Variants in CD1B observed in about 807,000 individuals in gnomAD.
CD1B encodes the protein T-cell surface glycoprotein CD1b.
CD1B carries 43 observed loss-of-function variants against 39.8 expected under a neutral mutation model. That is an observed-to-expected ratio of 1.08 (90% CI 0.85 to 1.39). The LOEUF is 1.39. Among genes scored for constraint, CD1B ranks in the 40% most tolerant of loss-of-function variants. The pLI is 0.00. For missense variants in CD1B, 495 were observed against 403.8 expected (o/e 1.23, Z -1.94); for synonymous variants, 192 against 152.5 (o/e 1.26, Z -1.91).
Position 158,328,236 on chromosome 1 carries a change from T to C in CD1B, c.1002A>G (p.Ter334TrpextTer30), listed in dbSNP as rs1420633347. Residue 334 changes from the stop codon to tryptophan (W), a stop_lost, in exon 6 of 6, where the codon TGA becomes TGG. Transcript: ENST00000368168. ...MRRRSYQNIP[*>W] ...ATGGGAGAGGAGACATGATGATGGC[T>C]CATGGGATATTCTGATATGACCTGT... is the stretch of plus-strand genomic sequence containing the variant. 5 of 1,612,332 alleles carry C rather than the reference T, an allele frequency of 3.1e-6. No homozygotes were observed. In the Admixed American group the frequency reaches 6.7e-5, roughly 22 times the overall value.
At chr1:158,321,179 A>G in the CD1B span, among the ~76,000 whole-genome samples, 161 of 152,240 alleles carry the variant, frequency 1.1e-3, no homozygotes, top group African/African-American at 3.5e-3. Context: ...ATATATTTGT[A>G]TGTTCAATTG....
the CD1B span, among the ~76,000 whole-genome samples, chr1:158,310,724 C>T: frequency 6.6e-6 from 1 of 152,132 alleles, no homozygotes; most frequent in Non-Finnish European, 1.5e-5. Flanking sequence ...CTCAACATCA[C>T]TAATCATCAG....
At chr1:158,310,663 A>G in the CD1B span, among the ~76,000 whole-genome samples, 1 of 152,212 alleles carries the variant, frequency 6.6e-6, no homozygotes, top group Non-Finnish European at 1.5e-5. Context: ...ATATCAACAG[A>G]CACTTCTCAA....
the CD1B span, among the ~76,000 whole-genome samples, chr1:158,312,819 T>C: frequency 6.6e-6 from 1 of 152,326 alleles, no homozygotes; most frequent in South Asian, 2.1e-4. Context: ...CTTCCTTCTT[T>C]TTAATTGTAT....
the CD1B span, among the ~76,000 whole-genome samples, chr1:158,303,194 A>C: frequency 6.6e-6 from 1 of 152,206 alleles, no homozygotes; most frequent in African/African-American, 2.4e-5. Flanking sequence ...TGATTATCTC[A>C]ACAGATGCAG....
At chr1:158,290,047 G>T in the CD1B span, 1 of 1,613,216 alleles carries the variant, frequency 6.2e-7, no homozygotes, top group South Asian at 1.1e-5. Context: ...CTGAGAGAAA[G>T]AAACATCTGC....
At chr1:158,318,474 T>A in the CD1B span, among the ~76,000 whole-genome samples, 1 of 152,216 alleles carries the variant, frequency 6.6e-6, no homozygotes, top group Non-Finnish European at 1.5e-5. Flanking sequence ...TATCAGAGAC[T>A]AGGATTGCAA....
At chr1:158,310,244 G>T in the CD1B span, among the ~76,000 whole-genome samples, 1 of 152,164 alleles carries the variant, frequency 6.6e-6, no homozygotes, top group African/African-American at 2.4e-5. Context: ...AATAAATGGT[G>T]TTGTGCTAAC....
intron 2 of CD1B, chr1:158,330,582 T>C (rs1027616999): frequency 1.4e-6 from 1 of 704,812 alleles, no homozygotes; most frequent in Non-Finnish European, 2.6e-6. Flanking sequence ...TGGAAGACAG[T>C]CTGAGAGTAA....
chr1:158,326,592 T>A (rs1194345416), downstream of CD1B, among the ~76,000 whole-genome samples: 1 of 152,124 alleles, frequency 6.6e-6, no homozygotes, highest in East Asian at 1.9e-4. Flanking sequence ...AGAAATCTTT[T>A]ATTTGGGGAT....
At chr1:158,316,223 A>T in the CD1B span, among the ~76,000 whole-genome samples, 1 of 152,050 alleles carries the variant, frequency 6.6e-6, no homozygotes. Flanking sequence ...TGGGGATGGC[A>T]TTGAATCTGT....
the CD1B span, among the ~76,000 whole-genome samples, chr1:158,308,908 G>A: frequency 1.3e-5 from 2 of 152,144 alleles, no homozygotes; most frequent in African/African-American, 2.4e-5. Context: ...TACCATTCAG[G>A]ACATAGGCAT....
the CD1B span, among the ~76,000 whole-genome samples, chr1:158,321,826 G>C: frequency 1.3e-5 from 2 of 152,082 alleles, no homozygotes; most frequent in Non-Finnish European, 2.9e-5. Context: ...ATAGGAAAAC[G>C]TGTGCCATGG....
At chr1:158,285,715 T>G in the CD1B span, among the ~76,000 whole-genome samples, 1 of 152,168 alleles carries the variant, frequency 6.6e-6, no homozygotes, top group Non-Finnish European at 1.5e-5. Context: ...TTAGTGCTTC[T>G]AGTAAGTGGT....
the CD1B span, among the ~76,000 whole-genome samples, chr1:158,322,355 G>A: frequency 7.9e-5 from 12 of 151,734 alleles, no homozygotes; most frequent in African/African-American, 2.7e-4. Flanking sequence ...TCCTATTTCA[G>A]CCTCTTGAAT....
At chr1:158,315,568 G>A in the CD1B span, among the ~76,000 whole-genome samples, 10 of 151,630 alleles carry the variant, frequency 6.6e-5, no homozygotes, top group Non-Finnish European at 1.5e-4. Context: ...CCCTTTGTCA[G>A]ATGAGTAGGT....
the CD1B span, among the ~76,000 whole-genome samples, chr1:158,305,099 C>T: frequency 1.3e-5 from 2 of 152,184 alleles, no homozygotes; most frequent in South Asian, 2.1e-4. Flanking sequence ...ATGACCTTGA[C>T]GAGTTGAGAG....
At chr1:158,330,669 A>C (rs748996980) in intron 2 of CD1B, 127 bp downstream of exon 2, 1 of 928,922 alleles carries the variant, frequency 1.1e-6, no homozygotes, top group East Asian at 2.4e-5. Context: ...ACTACTCAAG[A>C]AAAGCATGTG....
chr1:158,292,137 C>T, the CD1B span: 1 of 1,614,102 alleles, frequency 6.2e-7, no homozygotes, highest in Non-Finnish European at 8.5e-7. Context: ...TGGAAAGAGC[C>T]CAGAAGGCTT....
Sources: allele counts gnomAD v4.1 joint callset (sites outside exome capture counted in the v4.1 genomes callset), GRCh38; gene constraint gnomAD v4.1.1; transcripts MANE v1.5; gene names NCBI Gene and HGNC (gene_info 2026-07-23, HGNC 2026-07-21).